The following MRPS30 variants were observed in gnomAD, a reference collection of about 807,000 sequenced individuals.
MRPS30 encodes the protein mitochondrial ribosomal protein S30.
A neutral mutation model predicts 43.8 loss-of-function variants in MRPS30; 42 were observed. That is an observed-to-expected ratio of 0.96 (90% confidence interval 0.75 to 1.24). The LOEUF (loss-of-function observed/expected upper bound fraction) is 1.24, where lower values mean the gene tolerates loss of function less well. Ranked by LOEUF, MRPS30 falls within the 50% of genes most tolerant of loss-of-function variation. MRPS30 has a pLI of 0.00. For missense variants in MRPS30, 638 were observed against 570.0 expected (o/e 1.12, Z -1.22); for synonymous variants, 273 against 228.2 (o/e 1.20, Z -1.77).
rs781437609 is a variant in MRPS30 at position 44,809,491 on chromosome 5, C to T, written c.529C>T (p.Leu177=). 2.2e-5 allele frequency: 35 copies of T among 1,613,734 alleles called. No homozygotes were observed. Among genetic ancestry groups the T allele is most frequent in the Non-Finnish European group, 4.2e-6 (5 of 1,179,968 alleles). ...EESEVISLPF[L]DQLVSTLVGL... is the part of the protein sequence containing the mutation. ...GAGCGAGGTCATATCTTTGCCCTTC[C>T]TGGATCAGCTGGTGTCAACCCTCGT... Residue 177 remains leucine, a synonymous_variant, in exon 1 of 5, where the codon CTG becomes TTG. Transcript: ENST00000507110.
rs146658127 is a variant in MRPS30 at position 44,809,446 on chromosome 5, C to G, written c.484C>G (p.Arg162Gly). 1,013 of 1,613,770 alleles carry G rather than the reference C, an allele frequency of 6.3e-4. 2 individuals carry two copies. Among genetic ancestry groups the G allele is most frequent in the Non-Finnish European group, 7.6e-4 (900 of 1,179,990 alleles). The change falls in exon 1 of 5, where the codon CGC becomes GGC. Residue 162 changes from arginine (R) to glycine (G), a missense_variant. By Grantham distance (125) the Arg-to-Gly change is moderately radical. Transcript: ENST00000507110. ...GCACTTCTACCTGCGGCGCAGGCGG[C>G]GCGTGCACCGTTACGAGGAGAGCGA... ...QEHFYLRRRR[R>G]VHRYEESEVI...
chr5:44,810,348 T>A (rs910231094), intron 1 of MRPS30, among the ~76,000 whole-genome samples: 1 of 152,222 alleles, frequency 6.6e-6, no homozygotes, highest in African/African-American at 2.4e-5. Flanking sequence ...ATCAGCAGCT[T>A]CCGTGTAACT....
chr5:44,809,711 T>G, intron 1 of MRPS30, 148 bp downstream of exon 1: 2 of 855,052 alleles, frequency 2.3e-6, no homozygotes, highest in Non-Finnish European at 3.5e-6. Context: ...GTGGCCTGGT[T>G]TTGTAACAGT....
chr5:44,813,402 G>T (rs1455759172), intron 4 of MRPS30, 120 bp downstream of exon 4: 4 of 818,652 alleles, frequency 4.9e-6, no homozygotes, highest in Non-Finnish European at 1.8e-6. Flanking sequence ...TTAAACTTTT[G>T]CATTGGCACA....
At chr5:44,809,637 C>A in intron 1 of MRPS30, 74 bp downstream of exon 1, 2 of 1,396,806 alleles carry the variant, frequency 1.4e-6, no homozygotes, top group Non-Finnish European at 1.9e-6. Context: ...CGCAGATTTA[C>A]CCCTCGTCAT....
At position 44,813,198 on chromosome 5, in the gene MRPS30, T is replaced by C. The variant is rs373592441; in HGVS notation, c.946T>C (p.Cys316Arg). The change falls in exon 4 of 5, where the codon TGT becomes CGT. Residue 316 changes from cysteine (C) to arginine (R), a missense_variant. By Grantham distance (180) the Cys-to-Arg change is radical. Coordinates refer to ENST00000507110, the MANE Select transcript of MRPS30 (RefSeq NM_016640.4). ...AAGGGAAAGGCTTTTGAGACAAAAC[T>C]GTGCTGATCAGATAGAAGTTGTTTT... ...LRRERLLRQNCADQIEVVFRA... is the reference protein window; with the variant it reads ...LRRERLLRQNRADQIEVVFRA... The C allele has an allele frequency of 6.2e-7, 1 of 1,613,342 alleles. No homozygotes were observed. Among genetic ancestry groups the C allele is most frequent in the Non-Finnish European group, 8.5e-7 (1 of 1,179,698 alleles).
At position 44,811,989 on chromosome 5, in the gene MRPS30, C is replaced by G; in HGVS notation, c.822C>G (p.Phe274Leu). The change falls in exon 3 of 5, where the codon TTC becomes TTG. Residue 274 changes from phenylalanine (F) to leucine (L), a missense_variant. Physicochemically the swap from Phe to Leu is conservative, Grantham distance 22. Transcript: ENST00000507110. ...IKCKPDKLPL[F>L]KRQYENHIFV... ...GTAAACCAGACAAACTTCCATTATT[C>G]AAACGGCAGTATGAAAACCACATAT... 1.9e-6 allele frequency: 3 copies of G among 1,600,856 alleles called. No individual in the cohort carries two copies. The highest frequency in any genetic ancestry group is 2.6e-6 in the Non-Finnish European group (3 of 1,171,528).
At chr5:44,813,052 T>C in intron 3 of MRPS30, 54 bp from the exon 4 acceptor site, 1 of 1,532,578 alleles carries the variant, frequency 6.5e-7, no homozygotes, top group Admixed American at 1.9e-5. Flanking sequence ...AAACATGTGC[T>C]CCACATGTTC....
Position 44,811,080 on chromosome 5 carries a change from C to A in MRPS30, c.673C>A (p.Arg225=). The part of the protein sequence containing the change: ...EIIPRGHRRG[R]IDDLRYQIDD... ...TATTCCTCGTGGTCATCGAAGAGGT[C>A]GAATTGATGACTTGCGATACCAGAT... Residue 225 remains arginine (R), a synonymous_variant, in exon 2 of 5, where the codon CGA becomes AGA. Transcript: ENST00000507110. 1 of 1,613,912 alleles carries A rather than the reference C, an allele frequency of 6.2e-7. No individual in the cohort carries two copies. The highest frequency in any genetic ancestry group is 8.5e-7 in the Non-Finnish European group (1 of 1,179,902).
chr5:44,811,294 T>A, intron 2 of MRPS30, 140 bp downstream of exon 2: 1 of 925,050 alleles, frequency 1.1e-6, no homozygotes, highest in Non-Finnish European at 1.6e-6. Flanking sequence ...AGACATCACC[T>A]CTCAAAAATC....
rs555368400 is a variant in MRPS30 at position 44,811,984 on chromosome 5, T to C, written c.817T>C (p.Leu273=). ...TIKCKPDKLP[L]FKRQYENHIF... is the part of the protein sequence containing the mutation. ...AAAATGTAAACCAGACAAACTTCCATTATTCAAACGGCAGTATGAAAACCA... is the reference window on the plus strand; with the variant it reads ...AAAATGTAAACCAGACAAACTTCCACTATTCAAACGGCAGTATGAAAACCA... The change falls in exon 3 of 5, where the codon TTA becomes CTA. Residue 273 remains leucine, a synonymous_variant. Coordinates refer to ENST00000507110, the MANE Select transcript of MRPS30 (RefSeq NM_016640.4). The C allele has an allele frequency of 6.2e-7, 1 of 1,603,482 alleles. No homozygotes were observed. The highest frequency in any genetic ancestry group is 1.1e-5 in the South Asian group (1 of 89,746).
Position 44,809,154 on chromosome 5 carries a change from G to A in MRPS30, c.192G>A (p.Glu64=). The A allele has an allele frequency of 1.2e-6, 2 of 1,611,586 alleles. No individual in the cohort carries two copies. Among genetic ancestry groups the A allele is most frequent in the Non-Finnish European group, 8.5e-7 (1 of 1,179,418 alleles). Reference sequence around the variant, plus strand: ...AAGCTGCACGGCTGCGGCGGATCGAGCGCTGGCAGGCGACGGTGCACGCTG... The same window carrying A: ...AAGCTGCACGGCTGCGGCGGATCGAACGCTGGCAGGCGACGGTGCACGCTG... ...DSKAARLRRI[E]RWQATVHAAE... Residue 64 remains glutamate (E), a synonymous_variant, in exon 1 of 5, where the codon GAG becomes GAA. Coordinates refer to ENST00000507110, the MANE Select transcript of MRPS30 (RefSeq NM_016640.4).
chr5:44,809,120 C>T lies in MRPS30; in HGVS notation c.158C>T (p.Ala53Val). The T allele has an allele frequency of 1.2e-6, 2 of 1,611,862 alleles. No homozygotes were observed. Among genetic ancestry groups the T allele is most frequent in the Non-Finnish European group, 1.7e-6 (2 of 1,179,476 alleles). Reference protein sequence around the residue: ...RYPPIVASMTADSKAARLRRI... With the variant: ...RYPPIVASMTVDSKAARLRRI... The stretch of plus-strand genomic sequence containing the variant: ...CCGCCGATTGTGGCCTCCATGACAG[C>T]CGACAGCAAAGCTGCACGGCTGCGG... Residue 53 changes from alanine to valine, a missense_variant, in exon 1 of 5, where the codon GCC (alanine) becomes GTC (valine). Coordinates refer to ENST00000507110, the MANE Select transcript of MRPS30 (RefSeq NM_016640.4).
Position 44,812,069 on chromosome 5 carries a change from G to A in MRPS30, c.853+49G>A, listed in dbSNP as rs757479414. On this transcript the variant is annotated intron_variant, in intron 3 of 4. Coordinates refer to ENST00000507110, the MANE Select transcript of MRPS30 (RefSeq NM_016640.4). ...GTACCATAAATGTGTTCCAAGTGTC[G>A]TATGCAAATTTGGAGTATTGACTAC... 1.7e-4 allele frequency: 225 copies of A among 1,349,854 alleles called. 2 individuals carry two copies. The highest frequency in any genetic ancestry group is 9.9e-4 in the Admixed American group (47 of 47,556). The allele number at this position is 1,349,854 out of a possible 1,614,324, so 83.6% of individuals were successfully genotyped here.
At position 44,814,984 on chromosome 5, in the gene MRPS30, T is replaced by G; in HGVS notation, c.1102T>G (p.Ser368Ala). 6.2e-7 allele frequency: 1 copy of G among 1,613,890 alleles called. No homozygotes were observed. Among genetic ancestry groups the G allele is most frequent in the Non-Finnish European group, 8.5e-7 (1 of 1,179,822 alleles). ...QAVITDGKYF[S>A]FFCYQLNTLA... ...TGTGATCACAGATGGAAAATACTTT[T>G]CCTTTTTCTGCTACCAGCTAAATAC... Residue 368 changes from serine to alanine, a missense_variant, in exon 5 of 5, where the codon TCC (serine) becomes GCC (alanine). Transcript: ENST00000507110.
chr5:44,812,153 C>T (rs1017331116), intron 3 of MRPS30, 133 bp downstream of exon 3: 5 of 479,974 alleles, frequency 1.0e-5, no homozygotes, highest in South Asian at 5.3e-5. Flanking sequence ...CAATATAATT[C>T]GTAATCTCAG....
In MRPS30 at chr5:44,815,075, G is replaced by A. The variant is rs372106101; in HGVS notation, c.1193G>A (p.Ser398Asn). 1.2e-6 allele frequency: 2 copies of A among 1,613,628 alleles called. No individual in the cohort carries two copies. The highest frequency in any genetic ancestry group is 4.5e-5 in the East Asian group (2 of 44,828). ...AAAAATATATGTTGGGGTACACAAA[G>A]TAAGCCTCTTTATGAAACAATTGAG... is the stretch of plus-strand genomic sequence containing the variant. The part of the protein sequence containing the change: ...PRKNICWGTQ[S>N]KPLYETIEDN... The change falls in exon 5 of 5, where the codon AGT becomes AAT. Residue 398 changes from serine to asparagine, a missense_variant. Physicochemically the swap from Ser to Asn is conservative, Grantham distance 46 (BLOSUM62 1). Coordinates refer to ENST00000507110, the MANE Select transcript of MRPS30 (RefSeq NM_016640.4).
At chr5:44,811,263 C>A (rs1324627988) in intron 2 of MRPS30, 109 bp downstream of exon 2, 2 of 1,297,498 alleles carry the variant, frequency 1.5e-6, no homozygotes. Flanking sequence ...GGATCTCTTG[C>A]CTTTCAAGTT....
In MRPS30 at chr5:44,814,790, A is replaced by G. The variant is rs951124341; in HGVS notation, c.1031-123A>G. On this transcript the variant is annotated intron_variant, in intron 4 of 4. Transcript: ENST00000507110. ...TAAGGAAACTTTGAGGTCTTCAGGG[A>G]TTTTGTTACATAAAGTATCTAAGTT... 6 of 875,914 alleles carry G rather than the reference A, an allele frequency of 6.8e-6. No individual in the cohort carries two copies. The Admixed American group carries it at 1.5e-4, about 22-fold the overall frequency. 54.3% of individuals were successfully genotyped at this position (875,914 alleles called of 1,614,324 possible). A position where few individuals can be genotyped will look rare whatever the true frequency, so the allele number is the denominator to read the frequency against.
Sources: gnomAD v4.1 joint callset for allele counts (sites outside exome capture counted in the v4.1 genomes callset) on GRCh38, gnomAD v4.1.1 for gene constraint, MANE v1.5 for transcripts, NCBI Gene and HGNC (gene_info 2026-07-23, HGNC 2026-07-21) for gene names.